The following FTCDNL1 variants were observed in gnomAD, a reference collection of about 807,000 sequenced individuals.
FTCDNL1 encodes formiminotransferase cyclodeaminase N-terminal like, also known as formiminotransferase N-terminal subdomain-containing protein.
A neutral mutation model predicts 5.9 loss-of-function variants in FTCDNL1; 11 were observed. That is an observed-to-expected ratio of 1.87 (90% CI 1.18 to 3.10). The LOEUF is 3.10. Among genes scored for constraint, FTCDNL1 ranks in the 30% most tolerant of loss-of-function variants. FTCDNL1 has a pLI of 0.00. For synonymous variants in FTCDNL1, 58 were observed against 24.8 expected (o/e 2.34, Z -3.99); for missense variants, 115 against 65.5 (o/e 1.76, Z -2.61).
intron 1 of FTCDNL1, among the ~76,000 whole-genome samples, 172 bp downstream of exon 1, chr2:199,850,568 C>G (rs1359104737): frequency 2.0e-5 from 3 of 152,022 alleles, no homozygotes; most frequent in Admixed American, 2.0e-4. Flanking sequence ...CAAACGCAAG[C>G]CCCCCAAAAC....
the FTCDNL1 span, among the ~76,000 whole-genome samples, chr2:199,749,346 AACTG>A: frequency 6.6e-6 from 1 of 152,182 alleles, no homozygotes; most frequent in Admixed American, 6.5e-5. Context: ...GGTCTCTATG[AACTG>A]ACTAAATTGA....
At chr2:199,703,204 C>G in the FTCDNL1 span, among the ~76,000 whole-genome samples, 1 of 151,906 alleles carries the variant, frequency 6.6e-6, no homozygotes, top group Non-Finnish European at 1.5e-5. Context: ...ATCCCTCCCC[C>G]CTGCCCCCAC....
chr2:199,760,835 A>C (rs1374285926), exon 4 of FTCDNL1: 1 of 702,292 alleles, frequency 1.4e-6, no homozygotes, highest in South Asian at 1.5e-5. Context: ...GCGCTTGTCC[A>C]CTGGGAATAA....
rs1396732511 is a variant in FTCDNL1 at position 199,809,794 on chromosome 2, GAGC to G, written c.*2908_*2910del. Among the ~76,000 whole-genome samples the G allele has an allele frequency of 6.6e-6, 1 of 152,000 alleles. No individual in the cohort carries two copies. ...TTTCAAAATTCTATATCTGGTTTAT[GAGC>G]AGCAGATCATCTTAAAAGTAGTAAG... On this transcript the variant is annotated 3_prime_UTR_variant, in exon 5 of 5. Transcript: ENST00000420128.
chr2:199,803,847 T>C (rs1051287224), intron 3 of FTCDNL1, among the ~76,000 whole-genome samples: 1 of 152,142 alleles, frequency 6.6e-6, no homozygotes, highest in African/African-American at 2.4e-5. Context: ...GTTGACCCAA[T>C]AGGCTAAGAG....
At chr2:199,717,993 A>AC in the FTCDNL1 span, among the ~76,000 whole-genome samples, 4 of 151,652 alleles carry the variant, frequency 2.6e-5, no homozygotes, top group Admixed American at 1.3e-4. Flanking sequence ...AAACAAAAAA[A>AC]AAAAAACAAA....
At chr2:199,824,843 G>A (rs954771326) in intron 3 of FTCDNL1, among the ~76,000 whole-genome samples, 1 of 152,118 alleles carries the variant, frequency 6.6e-6, no homozygotes, top group African/African-American at 2.4e-5. Context: ...ATCACCATAA[G>A]AGACATAATA....
At chr2:199,748,782 T>C in the FTCDNL1 span, among the ~76,000 whole-genome samples, 26 of 152,190 alleles carry the variant, frequency 1.7e-4, no homozygotes, top group Non-Finnish European at 3.4e-4. Context: ...CAGGGAAGTT[T>C]TATACTTTGC....
intron 3 of FTCDNL1, among the ~76,000 whole-genome samples, chr2:199,824,579 C>A (rs1701903900): frequency 6.6e-6 from 1 of 152,176 alleles, no homozygotes; most frequent in Non-Finnish European, 1.5e-5. Context: ...TAAGTTTAAT[C>A]ATTTCTAGCT....
At chr2:199,665,769 ACAGAGAG>A in the FTCDNL1 span, among the ~76,000 whole-genome samples, 3 of 70,412 alleles carry the variant, frequency 4.3e-5, no homozygotes, top group South Asian at 2.0e-3. Flanking sequence ...AAAGAAGAGA[ACAGAGAG>A]GATTATGGCT....
chr2:199,700,028 T>C, the FTCDNL1 span, among the ~76,000 whole-genome samples: 2 of 152,108 alleles, frequency 1.3e-5, no homozygotes, highest in Non-Finnish European at 2.9e-5. Context: ...CTATTCAACA[T>C]AGTACTGGAA....
At chr2:199,688,229 T>TC in the FTCDNL1 span, among the ~76,000 whole-genome samples, 218 of 36,374 alleles carry the variant, frequency 6.0e-3, no homozygotes, top group African/African-American at 0.012. Flanking sequence ...AGACTCTGTC[T>TC]CAAAAAAAAA....
At chr2:199,760,188 T>C (rs1698208108), downstream of FTCDNL1, among the ~76,000 whole-genome samples, 1 of 150,994 alleles carries the variant, frequency 6.6e-6, no homozygotes, top group African/African-American at 2.4e-5. Context: ...TAAGGAAGAA[T>C]CTTGATTAAA....
the FTCDNL1 span, among the ~76,000 whole-genome samples, chr2:199,741,191 G>A: frequency 1.3e-5 from 2 of 152,162 alleles, no homozygotes; most frequent in Non-Finnish European, 2.9e-5. Context: ...CAGGAGGATC[G>A]CTTGAGGCCA....
At chr2:199,751,459 T>C in the FTCDNL1 span, among the ~76,000 whole-genome samples, 2,150 of 152,284 alleles carry the variant, frequency 0.014, 40 homozygotes, top group African/African-American at 0.049. Context: ...ATTCAACATC[T>C]GTCCGAGGGG....
chr2:199,760,718 G>A (rs1475129821), exon 4 of FTCDNL1: 2 of 694,926 alleles, frequency 2.9e-6, no homozygotes, highest in Non-Finnish European at 5.3e-6. Context: ...GGTACTGTGT[G>A]TTGGTTTTCC....
the FTCDNL1 span, among the ~76,000 whole-genome samples, chr2:199,685,126 G>C: frequency 6.6e-6 from 1 of 152,080 alleles, no homozygotes; most frequent in African/African-American, 2.4e-5. Context: ...AAACAATGTG[G>C]AGTCAAAATG....
chr2:199,718,914 G>A, the FTCDNL1 span, among the ~76,000 whole-genome samples: 1 of 151,572 alleles, frequency 6.6e-6, no homozygotes, highest in East Asian at 1.9e-4. Context: ...TTCTTCTTGA[G>A]TTGTTTAAGT....
the FTCDNL1 span, among the ~76,000 whole-genome samples, chr2:199,681,506 AGGGTT>A: frequency 6.6e-6 from 1 of 152,288 alleles, no homozygotes; most frequent in South Asian, 2.1e-4. Context: ...CAGGCTTTGG[AGGGTT>A]GGGAGTCTCT....
Sources: allele counts gnomAD v4.1 joint callset (sites outside exome capture counted in the v4.1 genomes callset), GRCh38; gene constraint gnomAD v4.1.1; transcripts MANE v1.5; gene names NCBI Gene and HGNC (gene_info 2026-07-23, HGNC 2026-07-21).